The following MBD5 variants were observed in gnomAD, a reference collection of about 807,000 sequenced individuals.
MBD5 encodes methyl-CpG-binding domain protein 5.
Under a neutral mutation model 117.3 loss-of-function variants are expected in MBD5, and 13 were observed. The observed-to-expected ratio is 0.11, with a 90% confidence interval of 0.07 to 0.18. The LOEUF (loss-of-function observed/expected upper bound fraction) is 0.18, where lower values mean the gene tolerates loss of function less well. Ranked by LOEUF, MBD5 falls within the 10% of genes least tolerant of loss-of-function variation. The probability of loss-of-function intolerance (pLI) is 1.00; values close to 1 mark genes in which losing one functional copy is unlikely to be tolerated. For synonymous variants in MBD5, 727 were observed against 766.4 expected, an observed-to-expected ratio of 0.95 and a Z score of 0.85; for missense variants, 1,879 against 2,093.8, an observed-to-expected ratio of 0.90 and a Z score of 2.00.
In MBD5 at chr2:148,490,258, G is replaced by A. The variant is rs1467670256; in HGVS notation, c.4626G>A (p.Lys1542=). ...TTGGAGAGCTGCTAAGCACTGCAAA[G>A]CAAGACCTGGTCCTAGAGGAGCAGT... ...RGFGELLSTA[K]QDLVLEEQSP... is the part of the protein sequence containing the mutation. The change falls in exon 11 of 14, where the codon AAG becomes AAA. Residue 1542 remains lysine (K), a synonymous_variant. Coordinates refer to ENST00000642680, the MANE Select transcript of MBD5 (RefSeq NM_001378120.1). 2 of 1,614,100 alleles carry A rather than the reference G, an allele frequency of 1.2e-6. No individual in the cohort carries two copies. Among genetic ancestry groups the A allele is most frequent in the Non-Finnish European group, 1.7e-6 (2 of 1,180,044 alleles).
chr2:148,424,177 C>CAAAAAAAAAAAAAAAAAAAAAAAAAAAAA (rs56740583), intron 4 of MBD5, among the ~76,000 whole-genome samples: 1 of 53,462 alleles, frequency 1.9e-5, no homozygotes, highest in Non-Finnish European at 4.3e-5. Flanking sequence ...GACTCTGTCT[C>CAAAAAAAAAAAAAAAAAAAAAAAAAAAAA]AAAAAAAAAA....
intron 1 of MBD5, among the ~76,000 whole-genome samples, chr2:148,088,292 A>T (rs1695849813): frequency 6.6e-6 from 1 of 152,174 alleles, no homozygotes; most frequent in Non-Finnish European, 1.5e-5. Flanking sequence ...TATCTGAGGG[A>T]TTAATTGAGG....
intron 3 of MBD5, among the ~76,000 whole-genome samples, chr2:148,263,179 A>G (rs1436761106): frequency 6.6e-6 from 1 of 152,234 alleles, no homozygotes; most frequent in Non-Finnish European, 1.5e-5. Flanking sequence ...ATGAAGATAT[A>G]CAGAAGGCTG....
At position 148,359,266 on chromosome 2, in the gene MBD5, C is replaced by CA. The variant is rs3076505; in HGVS notation, c.-557+16948dup. 9.9e-3 allele frequency among the ~76,000 whole-genome samples: 1,221 copies of CA among 123,220 alleles called. 15 individuals are homozygous for CA. The highest frequency in any genetic ancestry group is 0.03 in the African/African-American group (1,038 of 34,104). 80.8% of individuals were successfully genotyped at this position (123,220 alleles called of 152,430 possible). A position where few individuals can be genotyped will look rare whatever the true frequency, so the allele number is the denominator to read the frequency against. On this transcript the variant is annotated intron_variant, in intron 4 of 13. Transcript: ENST00000642680. ...TTGATGACAGAGTAAGGCTCTGTCT[C>CA]AAAAAAAAAAAAAAAAAATTGTAGT...
At chr2:148,312,509 A>G (rs1015453963) in intron 3 of MBD5, among the ~76,000 whole-genome samples, 1 of 152,082 alleles carries the variant, frequency 6.6e-6, no homozygotes, top group Non-Finnish European at 1.5e-5. Flanking sequence ...TCAGGTCATT[A>G]GTGTTCTTCT....
chr2:148,424,135 G>C (rs148158074), intron 4 of MBD5, among the ~76,000 whole-genome samples: 4 of 126,432 alleles, frequency 3.2e-5, no homozygotes, highest in Non-Finnish European at 4.7e-5. Flanking sequence ...CTGAGATTGC[G>C]CCACTGCACT....
intron 4 of MBD5, among the ~76,000 whole-genome samples, chr2:148,451,251 G>A (rs1490740957): frequency 6.6e-6 from 1 of 152,120 alleles, no homozygotes; most frequent in Non-Finnish European, 1.5e-5. Flanking sequence ...GTGTATCTGA[G>A]AGGTATATTT....
Position 148,483,458 on chromosome 2 carries a change from A to G in MBD5, c.2867A>G (p.His956Arg), listed in dbSNP as rs1311462553. Residue 956 changes from histidine (H) to arginine (R), a missense_variant, in exon 9 of 14, where the codon CAC (histidine) becomes CGC (arginine). Around this residue, in one of 4 missense-constraint regions of MBD5, gnomAD observed 1,666 missense variants for 1,792.2 expected, o/e 0.93. Coordinates refer to ENST00000642680, the MANE Select transcript of MBD5 (RefSeq NM_001378120.1). ...GAAGGCAAGTCTGAGATCAACCTCC[A>G]CCCTTTAGGTTTTCTCAACCCGAAT... ...AGEGKSEINL[H>R]PLGFLNPNVN... 1.2e-6 allele frequency: 2 copies of G among 1,613,724 alleles called. No homozygotes were observed. Among genetic ancestry groups the G allele is most frequent in the Non-Finnish European group, 1.7e-6 (2 of 1,179,892 alleles).
At chr2:148,413,210 A>G (rs929918917) in intron 4 of MBD5, among the ~76,000 whole-genome samples, 1 of 152,160 alleles carries the variant, frequency 6.6e-6, no homozygotes, top group Non-Finnish European at 1.5e-5. Context: ...TTCTGCGTCT[A>G]TTAAGATGAT....
intron 1 of MBD5, among the ~76,000 whole-genome samples, chr2:148,043,311 G>A (rs1694422248): frequency 6.6e-6 from 1 of 151,466 alleles, no homozygotes; most frequent in Non-Finnish European, 1.5e-5. Context: ...AAATTAGCCG[G>A]GCATGGTAAC....
intron 11 of MBD5, among the ~76,000 whole-genome samples, chr2:148,495,095 A>AT (rs1681660689): frequency 6.6e-6 from 1 of 152,254 alleles, no homozygotes; most frequent in Admixed American, 6.5e-5. Flanking sequence ...GTGACCAGGA[A>AT]TAAGACCTCA....
At chr2:148,412,272 T>TGTGTGTGTG (rs1705276880) in intron 4 of MBD5, among the ~76,000 whole-genome samples, 16 of 144,480 alleles carry the variant, frequency 1.1e-4, no homozygotes, top group Non-Finnish European at 2.0e-4. Flanking sequence ...AGTATACTTT[T>TGTGTGTGTG]TGTGTGTGTG....
chr2:148,432,300 C>A (rs1706014643), intron 4 of MBD5, among the ~76,000 whole-genome samples: 1 of 152,120 alleles, frequency 6.6e-6, no homozygotes, highest in Admixed American at 6.6e-5. Context: ...CAAATACTTT[C>A]TCCCATTCTG....
rs547651581 is a variant in MBD5 at position 148,300,569 on chromosome 2, C to G, written c.-679-41645C>G. On this transcript the variant is annotated intron_variant, in intron 3 of 13. Transcript: ENST00000642680. The stretch of plus-strand genomic sequence containing the variant: ...AGTTTTTCTCAATTTTGTCTGTATT[C>G]CTCAGCTAGTGGATATTTGTTATTC... 4.6e-5 allele frequency among the ~76,000 whole-genome samples: 7 copies of G among 151,470 alleles called. No individual in the cohort carries two copies. The South Asian group carries it at 1.5e-3, about 31-fold the overall frequency.
At chr2:148,245,310 C>A (rs1177631107) in intron 3 of MBD5, among the ~76,000 whole-genome samples, 1 of 152,168 alleles carries the variant, frequency 6.6e-6, no homozygotes, top group African/African-American at 2.4e-5. Context: ...ACTGCAACCT[C>A]CGCCTCCTGG....
intron 4 of MBD5, among the ~76,000 whole-genome samples, chr2:148,440,748 TA>T (rs1297852772): frequency 6.6e-6 from 1 of 152,208 alleles, no homozygotes; most frequent in East Asian, 1.9e-4. Flanking sequence ...GCAAGTGCCG[TA>T]ACATACATGT....
chr2:148,235,816 G>A (rs1018314169), intron 3 of MBD5, among the ~76,000 whole-genome samples: 7 of 151,636 alleles, frequency 4.6e-5, no homozygotes, highest in Admixed American at 1.3e-4. Context: ...GGGGGGTGGC[G>A]GGGACAGGCT....
chr2:148,158,475 A>G (rs1189002228), intron 1 of MBD5, among the ~76,000 whole-genome samples: 1 of 152,170 alleles, frequency 6.6e-6, no homozygotes, highest in Non-Finnish European at 1.5e-5. Context: ...TCAATGGTCT[A>G]CTCATTATAC....
chr2:148,294,527 A>G, intron 3 of MBD5, among the ~76,000 whole-genome samples: 2 of 51,202 alleles, frequency 3.9e-5, no homozygotes, highest in East Asian at 3.0e-4. Context: ...TTTTTGAGAT[A>G]GAGCTGGCTC....
Sources: allele counts gnomAD v4.1 joint callset (sites outside exome capture counted in the v4.1 genomes callset), GRCh38; gene constraint gnomAD v4.1.1; regional missense constraint gnomAD v4.1.1; transcripts MANE v1.5; gene names NCBI Gene and HGNC (gene_info 2026-07-23, HGNC 2026-07-21).